The following NSUN4 variants were observed in gnomAD, a reference collection of about 807,000 sequenced individuals.
NSUN4 encodes NOP2/Sun RNA methyltransferase 4.
In NSUN4, 31 loss-of-function variants were observed where a neutral mutation model predicts 43.8. The ratio of observed to expected loss-of-function variants is 0.71; its 90% CI spans 0.53 to 0.96. The LOEUF is 0.96. Among genes scored for constraint, NSUN4 ranks in the 40% least tolerant of loss-of-function variants. NSUN4 has a pLI of 0.00. For synonymous variants in NSUN4, 167 were observed against 184.1 expected (o/e 0.91, Z 0.75); for missense variants, 439 against 475.6 (o/e 0.92, Z 0.72).
intron 2 of NSUN4, among the ~76,000 whole-genome samples, chr1:46,345,580 C>T (rs1662430831): frequency 6.6e-6 from 1 of 152,198 alleles, no homozygotes; most frequent in African/African-American, 2.4e-5. Context: ...TTTGCCCTCA[C>T]AGCCACCCAT....
At chr1:46,383,851 C>T in the NSUN4 span, among the ~76,000 whole-genome samples, 1 of 152,014 alleles carries the variant, frequency 6.6e-6, no homozygotes, top group Non-Finnish European at 1.5e-5. Context: ...CAATTTACCT[C>T]TATAGAAGGG....
At chr1:46,348,624 G>A (rs372230945) in intron 3 of NSUN4, among the ~76,000 whole-genome samples, 4 of 147,218 alleles carry the variant, frequency 2.7e-5, no homozygotes, top group African/African-American at 1.0e-4. Context: ...CAGGAAAATC[G>A]CTTGAACCTG....
chr1:46,377,984 A>G, the NSUN4 span, among the ~76,000 whole-genome samples: 1 of 152,210 alleles, frequency 6.6e-6, no homozygotes, highest in African/African-American at 2.4e-5. Flanking sequence ...TTTCCAAGTT[A>G]ATGATTGGGA....
chr1:46,364,804 T>C lies in NSUN4; in HGVS notation c.*2958T>C, dbSNP rs1052140461. 3.3e-5 allele frequency: 5 copies of C among 152,260 alleles called. No individual in the cohort carries two copies. Among genetic ancestry groups the C allele is most frequent in the African/African-American group, 1.2e-4 (5 of 41,466 alleles). The allele number at this position is 152,260 out of a possible 1,614,324, so 9.4% of individuals were successfully genotyped here. ...GGCCAGAGCAACATAAAAGCCCTGC[T>C]GGGAACTTCTGATTTGAGCTCTTCC... On this transcript the variant is annotated 3_prime_UTR_variant, in exon 6 of 6. Transcript: ENST00000474844.
chr1:46,346,157 A>G (rs534926031), intron 2 of NSUN4, among the ~76,000 whole-genome samples: 1 of 150,700 alleles, frequency 6.6e-6, no homozygotes, highest in East Asian at 2.0e-4. Context: ...TCTCAAAAAA[A>G]AAAAAAAAAA....
At chr1:46,341,008 G>A in intron 1 of NSUN4, 89 bp downstream of exon 1, 2 of 1,309,488 alleles carry the variant, frequency 1.5e-6, no homozygotes, top group Non-Finnish European at 2.1e-6. Flanking sequence ...AACGCCTAGC[G>A]TCTTTCCCAA....
rs755735660 is a variant in NSUN4, at chr1:46,344,812, G to A, written c.105G>A (p.Glu35=). ...CCTCTCTCTTTTAGGCTGCCACAGAGCCCAAATTCCCTGCTGTTCGACTGG... is the reference window on the plus strand; with the variant it reads ...CCTCTCTCTTTTAGGCTGCCACAGAACCCAAATTCCCTGCTGTTCGACTGG... ...HRYKKKWAAT[E]PKFPAVRLAL... The change falls in exon 2 of 6, where the codon GAG becomes GAA. Residue 35 remains glutamate (E), a synonymous_variant. Coordinates refer to ENST00000474844, the MANE Select transcript of NSUN4 (RefSeq NM_199044.4). 5 of 1,613,788 alleles carry A rather than the reference G, an allele frequency of 3.1e-6. No homozygotes were observed. The highest frequency in any genetic ancestry group is 4.2e-6 in the Non-Finnish European group (5 of 1,179,744).
the NSUN4 span, among the ~76,000 whole-genome samples, chr1:46,381,187 C>T: frequency 1.3e-5 from 2 of 152,234 alleles, no homozygotes; most frequent in African/African-American, 2.4e-5. Context: ...GCAGCACGAT[C>T]TCTGCATTTC....
downstream of NSUN4, among the ~76,000 whole-genome samples, chr1:46,368,388 A>T (rs142213104): frequency 2.5e-3 from 385 of 152,220 alleles, 3 homozygotes; most frequent in African/African-American, 8.4e-3. Context: ...TTGACCAGTA[A>T]AGTCTGGTGG....
chr1:46,343,838 A>G lies in NSUN4; in HGVS notation c.94-963A>G, dbSNP rs76988820. On this transcript the variant is annotated intron_variant, in intron 1 of 5. Transcript: ENST00000474844. ...CGGAACCGGAGCAAGAGTCCCCAACATGGCAAAGGTCAAGGCCAGAGCAAG... is the reference window on the plus strand; with the variant it reads ...CGGAACCGGAGCAAGAGTCCCCAACGTGGCAAAGGTCAAGGCCAGAGCAAG... The G allele has an allele frequency of 7.9e-4, 317 of 400,998 alleles. 3 individuals are homozygous for G. In the East Asian group the frequency reaches 0.01, roughly 13 times the overall value. 24.8% of individuals were successfully genotyped at this position (400,998 alleles called of 1,614,324 possible). A position where few individuals can be genotyped will look rare whatever the true frequency, so the allele number is the denominator to read the frequency against.
At chr1:46,382,896 T>C in the NSUN4 span, among the ~76,000 whole-genome samples, 1 of 152,212 alleles carries the variant, frequency 6.6e-6, no homozygotes, top group Non-Finnish European at 1.5e-5. Context: ...GCCACTGCAC[T>C]GGGCCAAAAA....
At chr1:46,341,587 T>C (rs1662106960) in intron 1 of NSUN4, 1 of 1,195,552 alleles carries the variant, frequency 8.4e-7, no homozygotes, top group Non-Finnish European at 1.0e-6. Context: ...ATTTCTTCTA[T>C]GACCGGCACG....
At chr1:46,353,160 A>G (rs997495848) in intron 4 of NSUN4, 132 bp downstream of exon 4, 126 of 739,268 alleles carry the variant, frequency 1.7e-4, no homozygotes, top group Non-Finnish European at 1.7e-5. Context: ...GGCCAGTTCT[A>G]CATTGGTGAT....
intron 3 of NSUN4, among the ~76,000 whole-genome samples, chr1:46,347,355 T>G (rs1006017693): frequency 6.6e-6 from 1 of 152,108 alleles, no homozygotes. Context: ...GGAGAATTGC[T>G]TGAACCCGGG....
chr1:46,357,697 G>A (rs2148406826), intron 4 of NSUN4, among the ~76,000 whole-genome samples: 1 of 152,100 alleles, frequency 6.6e-6, no homozygotes, highest in South Asian at 2.1e-4. Flanking sequence ...TCCTTTTTGG[G>A]TTGGGGAAAC....
the NSUN4 span, among the ~76,000 whole-genome samples, chr1:46,373,991 A>G: frequency 6.6e-6 from 1 of 152,058 alleles, no homozygotes; most frequent in East Asian, 1.9e-4. Flanking sequence ...GTTAGAAATA[A>G]TTTTAAGAGA....
chr1:46,341,181 G>GA (rs1488269123), intron 1 of NSUN4: 3 of 1,246,634 alleles, frequency 2.4e-6, no homozygotes, highest in Non-Finnish European at 3.0e-6. Flanking sequence ...TTCTTTTAGT[G>GA]ATGTCACTGT....
In NSUN4 at chr1:46,361,822, C is replaced by T; in HGVS notation, c.1131C>T (p.Phe377=). ...NLMANFGPMY[F]CKMRRLT The stretch of plus-strand genomic sequence containing the variant: ...TGGCCAATTTTGGCCCCATGTACTT[C>T]TGCAAAATGCGTAGGCTGACATAGT... Residue 377 remains phenylalanine, a synonymous_variant, in exon 6 of 6, where the codon TTC becomes TTT. Transcript: ENST00000474844. 6.2e-7 allele frequency: 1 copy of T among 1,614,146 alleles called. No individual in the cohort carries two copies. Among genetic ancestry groups the T allele is most frequent in the South Asian group, 1.1e-5 (1 of 91,088 alleles).
At chr1:46,345,565 C>T (rs1662429471) in intron 2 of NSUN4, among the ~76,000 whole-genome samples, 1 of 152,178 alleles carries the variant, frequency 6.6e-6, no homozygotes, top group Non-Finnish European at 1.5e-5. Context: ...CAGCAGTCTT[C>T]TCATTTTGCC....
Sources: allele counts gnomAD v4.1 joint callset (sites outside exome capture counted in the v4.1 genomes callset), GRCh38; gene constraint gnomAD v4.1.1; transcripts MANE v1.5; gene names NCBI Gene and HGNC (gene_info 2026-07-23, HGNC 2026-07-21).